The following KHDRBS2 variants were observed in gnomAD, a reference collection of about 807,000 sequenced individuals.
KHDRBS2 encodes KH domain-containing, RNA-binding, signal transduction-associated protein 2.
Under a neutral mutation model 44.3 loss-of-function variants are expected in KHDRBS2, and 26 were observed. The ratio of observed to expected loss-of-function variants is 0.59; its 90% CI spans 0.43 to 0.81. KHDRBS2 has a LOEUF of 0.81. KHDRBS2 is among the 40% of genes least tolerant of loss of function. The pLI is 0.00. For missense variants in KHDRBS2, 476 were observed against 433.1 expected, an observed-to-expected ratio of 1.10 and a Z score of -0.88; for synonymous variants, 194 against 151.1, an observed-to-expected ratio of 1.28 and a Z score of -2.08.
At chr6:61,953,440 C>G (rs1765191273) in intron 4 of KHDRBS2, among the ~76,000 whole-genome samples, 1 of 151,980 alleles carries the variant, frequency 6.6e-6, no homozygotes, top group Non-Finnish European at 1.5e-5. Flanking sequence ...CAGTGATATA[C>G]ATGCTGACTC....
the KHDRBS2 span, among the ~76,000 whole-genome samples, chr6:61,651,412 C>T: frequency 2.6e-5 from 4 of 151,940 alleles, no homozygotes; most frequent in Non-Finnish European, 4.4e-5. Context: ...TTATTTTCCT[C>T]TTGGGGATGC....
intron 2 of KHDRBS2, among the ~76,000 whole-genome samples, chr6:62,148,500 A>C (rs1562957985): frequency 6.6e-6 from 1 of 152,014 alleles, no homozygotes; most frequent in East Asian, 1.9e-4. Context: ...AAAGGAAAAT[A>C]AATCTCACGA....
At chr6:61,672,114 G>C in the KHDRBS2 span, among the ~76,000 whole-genome samples, 114,531 of 126,444 alleles carry the variant, frequency 0.91, 52,168 homozygotes, top group Non-Finnish European at 0.92. Flanking sequence ...TTTGTTCTTG[G>C]GATAGTTTAC....
chr6:61,937,867 G>A (rs1400707711), intron 4 of KHDRBS2, among the ~76,000 whole-genome samples: 1 of 152,036 alleles, frequency 6.6e-6, no homozygotes, highest in African/African-American at 2.4e-5. Context: ...AGGCACTGCT[G>A]TAAATTTCCT....
At chr6:61,860,588 T>A (rs1400274291) in intron 6 of KHDRBS2, among the ~76,000 whole-genome samples, 1 of 152,148 alleles carries the variant, frequency 6.6e-6, no homozygotes, top group African/African-American at 2.4e-5. Flanking sequence ...CCATGGTGTA[T>A]ATGTACCACA....
In KHDRBS2 at chr6:62,026,417, TTTA is replaced by T. The variant is rs372829154; in HGVS notation, c.336+21458_336+21460del. ...TTAACTAATTAATTATTTTATTTTA[TTTA>T]TTATTATTATTATTATTATTTTTTT... On this transcript the variant is annotated intron_variant, in intron 3 of 8. Coordinates refer to ENST00000281156, the MANE Select transcript of KHDRBS2 (RefSeq NM_152688.4). Among the ~76,000 whole-genome samples, 561 of 143,122 alleles carry T rather than the reference TTTA, an allele frequency of 3.9e-3. 1 individual carries two copies. The highest frequency in any genetic ancestry group is 5.1e-3 in the Non-Finnish European group (329 of 64,924). 93.9% of individuals were successfully genotyped at this position (143,122 alleles called of 152,430 possible). A position where few individuals can be genotyped will look rare whatever the true frequency, so the allele number is the denominator to read the frequency against.
the KHDRBS2 span, among the ~76,000 whole-genome samples, chr6:61,606,640 G>T: frequency 7.2e-5 from 11 of 152,158 alleles, no homozygotes; most frequent in Non-Finnish European, 1.3e-4. Context: ...GAGAAAGAAA[G>T]AAAGGTATGG....
At chr6:61,968,806 G>T (rs1014868612) in intron 4 of KHDRBS2, among the ~76,000 whole-genome samples, 1 of 151,888 alleles carries the variant, frequency 6.6e-6, no homozygotes, top group Admixed American at 6.6e-5. Context: ...GCCTGACCTC[G>T]GGTAGTTTAA....
intron 2 of KHDRBS2, among the ~76,000 whole-genome samples, chr6:62,106,729 A>G (rs990813701): frequency 8.5e-5 from 13 of 152,312 alleles, no homozygotes; most frequent in South Asian, 8.3e-4. Flanking sequence ...CAGCACATCA[A>G]AAAGCTTATC....
intron 6 of KHDRBS2, among the ~76,000 whole-genome samples, chr6:61,772,021 C>T (rs376274576): frequency 2.6e-5 from 4 of 151,120 alleles, no homozygotes; most frequent in South Asian, 4.2e-4. Flanking sequence ...CTAGAACTCA[C>T]TCAAAACTGC....
At chr6:62,197,178 T>G (rs1284841623) in intron 1 of KHDRBS2, among the ~76,000 whole-genome samples, 1 of 152,130 alleles carries the variant, frequency 6.6e-6, no homozygotes, top group Non-Finnish European at 1.5e-5. Flanking sequence ...GGTATTAAAT[T>G]ATAGTAAATG....
At chr6:62,123,470 C>T (rs1808195023) in intron 2 of KHDRBS2, among the ~76,000 whole-genome samples, 1 of 152,212 alleles carries the variant, frequency 6.6e-6, no homozygotes. Flanking sequence ...TGAGGAATCG[C>T]CACACTGTCT....
chr6:62,078,905 C>T (rs527977570), intron 2 of KHDRBS2, among the ~76,000 whole-genome samples: 18 of 152,092 alleles, frequency 1.2e-4, no homozygotes, highest in African/African-American at 4.3e-4. Context: ...GGAAGACTTG[C>T]TCTTAGAGAA....
At position 62,022,774 on chromosome 6, in the gene KHDRBS2, C is replaced by A. The variant is rs191218903; in HGVS notation, c.336+25104G>T. ...ATTCTCATTTCATCAATGTAATCAT[C>A]CCATATCATGTGCGTAGTATATATT... On this transcript the variant is annotated intron_variant, in intron 3 of 8. Transcript: ENST00000281156. Among the ~76,000 whole-genome samples the A allele has an allele frequency of 1.8e-4, 27 of 151,760 alleles. No individual in the cohort carries two copies. The East Asian group carries it at 5.2e-3, about 29-fold the overall frequency.
At chr6:62,200,394 A>G (rs1309610802) in intron 1 of KHDRBS2, among the ~76,000 whole-genome samples, 2 of 152,188 alleles carry the variant, frequency 1.3e-5, no homozygotes, top group Non-Finnish European at 2.9e-5. Context: ...TACAAGAAAA[A>G]AACAAACAAC....
chr6:61,972,353 A>G (rs1377780010), intron 4 of KHDRBS2, among the ~76,000 whole-genome samples: 2 of 152,190 alleles, frequency 1.3e-5, no homozygotes, highest in Admixed American at 1.3e-4. Context: ...TCAGATAAGA[A>G]GAAATACTCC....
chr6:62,134,399 T>A (rs1172381611), intron 2 of KHDRBS2, among the ~76,000 whole-genome samples: 1 of 152,124 alleles, frequency 6.6e-6, no homozygotes, highest in Non-Finnish European at 1.5e-5. Flanking sequence ...AGAGGATGTA[T>A]GGAAATGCCT....
intron 2 of KHDRBS2, among the ~76,000 whole-genome samples, chr6:62,064,021 C>T (rs2083190603): frequency 1.4e-5 from 2 of 146,950 alleles, no homozygotes; most frequent in South Asian, 4.5e-4. Flanking sequence ...GAGTGAACTC[C>T]CATTCACAAT....
the KHDRBS2 span, among the ~76,000 whole-genome samples, chr6:61,543,952 G>A: frequency 1.3e-5 from 2 of 151,928 alleles, no homozygotes; most frequent in Non-Finnish European, 2.9e-5. Flanking sequence ...CAGCAGCTGG[G>A]AAGGGTAATG....
Sources: allele counts gnomAD v4.1 joint callset (sites outside exome capture counted in the v4.1 genomes callset), GRCh38; gene constraint gnomAD v4.1.1; transcripts MANE v1.5; gene names NCBI Gene and HGNC (gene_info 2026-07-23, HGNC 2026-07-21).